ITPRID1: variants seen among roughly 807,000 people sequenced by gnomAD.
The protein encoded by ITPRID1 is ITPR interacting domain containing 1.
ITPRID1 carries 96 observed loss-of-function variants against 95.4 expected under a neutral mutation model. The ratio of observed to expected loss-of-function variants is 1.01; its 90% CI spans 0.85 to 1.19. The LOEUF is 1.19. Ranked by LOEUF, ITPRID1 falls within the 50% of genes most tolerant of loss-of-function variation. The probability of loss-of-function intolerance (pLI) is 0.00; values close to 1 mark genes in which losing one functional copy is unlikely to be tolerated. For missense variants in ITPRID1, 1,339 were observed against 1,252.9 expected (o/e 1.07, Z -1.04); for synonymous variants, 510 against 453.6 (o/e 1.12, Z -1.58).
chr7:31,554,610 C>T (rs1784389972), intron 4 of ITPRID1, 87 bp downstream of exon 4: 19 of 1,514,768 alleles, frequency 1.3e-5, no homozygotes, highest in South Asian at 1.1e-4. Context: ...TGGGCAAGGT[C>T]GGGGAAGTGT....
chr7:31,631,860 AACT>A (rs1464817630), intron 10 of ITPRID1, among the ~76,000 whole-genome samples: 1 of 152,194 alleles, frequency 6.6e-6, no homozygotes, highest in Admixed American at 6.5e-5. Flanking sequence ...TATTTTCAAT[AACT>A]ACTACTATTT....
intron 12 of ITPRID1, among the ~76,000 whole-genome samples, chr7:31,646,795 G>T (rs771174560): frequency 3.8e-4 from 58 of 152,280 alleles, no homozygotes; most frequent in Admixed American, 6.5e-4. Context: ...GTTTGAATGG[G>T]TGTGAGGGCC....
In ITPRID1 at chr7:31,643,964, A is replaced by T; in HGVS notation, c.2583+11A>T. 1 of 1,587,490 alleles carries T rather than the reference A, an allele frequency of 6.3e-7. No homozygotes were observed. The highest frequency in any genetic ancestry group is 8.6e-7 in the Non-Finnish European group (1 of 1,167,708). ...AGGGAGCTATGTTCCGTAAGTGTTC[A>T]CCCTGGCAAAGATGGAAAGGCAGAT... On this transcript the variant is annotated intron_variant, in intron 12 of 14. Transcript: ENST00000615280.
intron 10 of ITPRID1, among the ~76,000 whole-genome samples, chr7:31,617,521 T>C (rs1392288493): frequency 6.6e-6 from 1 of 152,130 alleles, no homozygotes; most frequent in Non-Finnish European, 1.5e-5. Context: ...AACAACTTCA[T>C]TGTGAGTGGA....
At chr7:31,590,677 T>C (rs911710750) in intron 10 of ITPRID1, among the ~76,000 whole-genome samples, 2 of 152,226 alleles carry the variant, frequency 1.3e-5, no homozygotes, top group Non-Finnish European at 2.9e-5. Flanking sequence ...CTGCTGGGTA[T>C]CCCCATTCCT....
rs1440013343 is a variant in ITPRID1 at position 31,617,090 on chromosome 7, G to C, written c.1229-25086G>C. On this transcript the variant is annotated intron_variant, in intron 10 of 14. Transcript: ENST00000615280. ...GTAGGGAGCTACCCCAAAGATGGTT[G>C]CACTTCAGTGGTGGGTGAGCTCGTC... 2.0e-5 allele frequency among the ~76,000 whole-genome samples: 3 copies of C among 152,334 alleles called. No individual in the cohort carries two copies. The East Asian group carries it at 5.8e-4, about 29-fold the overall frequency.
intron 1 of ITPRID1, chr7:31,514,337 G>A (rs1390248158): frequency 1.3e-5 from 2 of 152,180 alleles, no homozygotes; most frequent in Non-Finnish European, 2.9e-5. Context: ...TAGCTAATAG[G>A]CTTCCTTTAA....
chr7:31,516,525 G>A (rs932708668), intron 1 of ITPRID1, among the ~76,000 whole-genome samples: 5 of 152,144 alleles, frequency 3.3e-5, no homozygotes, highest in Admixed American at 1.3e-4. Context: ...CTGAGTTAGA[G>A]ATGCCATAGC....
In ITPRID1 at chr7:31,654,130, T is replaced by C. The variant is rs1432209306; in HGVS notation, c.*1301T>C. The stretch of plus-strand genomic sequence containing the variant: ...GCCTCAGAAGACAGTGTGATAATGT[T>C]GCAAAGGGAGATGTGGAGTAAAACT... On this transcript the variant is annotated 3_prime_UTR_variant, in exon 15 of 15. Coordinates refer to ENST00000615280, the MANE Select transcript of ITPRID1 (RefSeq NM_001257967.3). Among the ~76,000 whole-genome samples, 1 of 151,624 alleles carries C rather than the reference T, an allele frequency of 6.6e-6. No individual in the cohort carries two copies. Among genetic ancestry groups the C allele is most frequent in the Non-Finnish European group, 1.5e-5 (1 of 67,990 alleles).
In ITPRID1 at chr7:31,554,470, T is replaced by G. The variant is rs1375248294; in HGVS notation, c.164-5T>G. ...ACTAACTGATCTGTTCTTTCTTACT[T>G]GTAGAAGATTCCAAGCAAGAAAGTA... On this transcript the variant is annotated splice_polypyrimidine_tract_variant and splice_region_variant and intron_variant, in intron 3 of 14. Transcript: ENST00000615280. The G allele has an allele frequency of 6.2e-7, 1 of 1,612,166 alleles. No homozygotes were observed. The highest frequency in any genetic ancestry group is 2.2e-5 in the East Asian group (1 of 44,738).
chr7:31,519,645 T>TATATATATATATATATATATATA (rs1332451516), intron 1 of ITPRID1, among the ~76,000 whole-genome samples: 1 of 115,118 alleles, frequency 8.7e-6, no homozygotes, highest in Admixed American at 1.0e-4. Flanking sequence ...TATATATATA[T>TATATATATATATATATATATATA]AAATCTTATG....
chr7:31,647,673 C>CAA (rs11345351), intron 12 of ITPRID1, among the ~76,000 whole-genome samples: 217 of 69,190 alleles, frequency 3.1e-3, no homozygotes, highest in Middle Eastern at 0.01. Flanking sequence ...GTCTCCGTCT[C>CAA]AAAAAAAAAA....
At chr7:31,582,799 C>T (rs1471215878) in intron 9 of ITPRID1, among the ~76,000 whole-genome samples, 3 of 151,968 alleles carry the variant, frequency 2.0e-5, no homozygotes, top group Non-Finnish European at 4.4e-5. Flanking sequence ...TTTATCAAGC[C>T]TTAATTAACT....
chr7:31,578,425 A>C lies in ITPRID1; in HGVS notation c.1161A>C (p.Glu387Asp). The C allele has an allele frequency of 1.2e-6, 2 of 1,603,934 alleles. No homozygotes were observed. Among genetic ancestry groups the C allele is most frequent in the Non-Finnish European group, 1.7e-6 (2 of 1,174,874 alleles). Residue 387 changes from glutamate (E) to aspartate (D), a missense_variant, in exon 9 of 15, where the codon GAA becomes GAC. By Grantham distance (45) the Glu-to-Asp change is conservative (BLOSUM62 2). Coordinates refer to ENST00000615280, the MANE Select transcript of ITPRID1 (RefSeq NM_001257967.3). ...CAGGCAAAGGACCAGACTCATTTGA[A>C]ATGGAAGAGGTCAGTGCTGCACCAA... is the stretch of plus-strand genomic sequence containing the variant. Reference protein sequence around the residue: ...HLAGKGPDSFEMEEVQSFEEE... With the variant: ...HLAGKGPDSFDMEEVQSFEEE...
At chr7:31,634,264 G>C (rs950397938) in intron 10 of ITPRID1, among the ~76,000 whole-genome samples, 7 of 152,120 alleles carry the variant, frequency 4.6e-5, no homozygotes, top group Admixed American at 2.6e-4. Context: ...GCTGAAAATG[G>C]TAATTTCTAA....
chr7:31,621,503 A>ACTAAG (rs1787890883), intron 10 of ITPRID1, among the ~76,000 whole-genome samples: 1 of 143,920 alleles, frequency 6.9e-6, no homozygotes, highest in South Asian at 2.3e-4. Context: ...ATCCAGCCAA[A>ACTAAG]CTAAGCTTCA....
intron 1 of ITPRID1, among the ~76,000 whole-genome samples, chr7:31,523,578 T>A (rs1783335310): frequency 6.6e-6 from 1 of 152,176 alleles, no homozygotes; most frequent in African/African-American, 2.4e-5. Flanking sequence ...GATGTTTTCG[T>A]CATGGGGGTG....
chr7:31,527,838 A>G lies in ITPRID1; in HGVS notation c.-98+13718A>G, dbSNP rs1414069501. On this transcript the variant is annotated intron_variant, in intron 1 of 14. Transcript: ENST00000615280. The stretch of plus-strand genomic sequence containing the variant: ...CTTTCTTAGAGAGTGAATTACTTCA[A>G]CTTATTTTAACTATCTCTTTATCAC... Among the ~76,000 whole-genome samples the G allele has an allele frequency of 2.0e-5, 3 of 152,200 alleles. No individual in the cohort carries two copies. In the South Asian group the frequency reaches 6.2e-4, roughly 31 times the overall value.
downstream of ITPRID1, among the ~76,000 whole-genome samples, chr7:31,657,205 CTG>C (rs1366411897): frequency 3.2e-4 from 4 of 12,450 alleles, no homozygotes; most frequent in African/African-American, 1.5e-3. Context: ...TTCAAAAAGA[CTG>C]TAAGTTGTCT....
Sources: allele counts gnomAD v4.1 joint callset (sites outside exome capture counted in the v4.1 genomes callset), GRCh38; gene constraint gnomAD v4.1.1; transcripts MANE v1.5; gene names NCBI Gene and HGNC (gene_info 2026-07-23, HGNC 2026-07-21).